BIN2: variants seen among roughly 807,000 people sequenced by gnomAD.
BIN2 encodes bridging integrator 2.
BIN2 carries 43 observed loss-of-function variants against 67.9 expected under a neutral mutation model. That is an observed-to-expected ratio of 0.63 (90% confidence interval 0.50 to 0.82). BIN2 has a LOEUF of 0.82. Among genes scored for constraint, BIN2 ranks in the 40% least tolerant of loss-of-function variants. BIN2 has a pLI of 0.00. For missense variants in BIN2, 581 were observed against 671.6 expected, an observed-to-expected ratio of 0.87 and a Z score of 1.49; for synonymous variants, 244 against 246.8, an observed-to-expected ratio of 0.99 and a Z score of 0.11.
chr12:51,288,089 T>C lies in BIN2; in HGVS notation c.1596+19A>G. 1 of 1,563,386 alleles carries C rather than the reference T, an allele frequency of 6.4e-7. No individual in the cohort carries two copies. Among genetic ancestry groups the C allele is most frequent in the Non-Finnish European group, 8.8e-7 (1 of 1,134,700 alleles). ...AAAAAATAGGGCATCATCATGTAGA[T>C]GACTTAGGCTTTTAGTACCTCCGAG... On this transcript the variant is annotated intron_variant, in intron 11 of 12. Transcript: ENST00000615107.
At chr12:51,296,438 A>G (rs1023817361) in intron 8 of BIN2, among the ~76,000 whole-genome samples, 1 of 151,772 alleles carries the variant, frequency 6.6e-6, no homozygotes, top group African/African-American at 2.4e-5. Context: ...CAGAGCTTGC[A>G]GTGAGCAGAG....
intron 11 of BIN2, among the ~76,000 whole-genome samples, chr12:51,287,147 T>G (rs1406694224): frequency 6.8e-6 from 1 of 147,002 alleles, no homozygotes; most frequent in Non-Finnish European, 1.5e-5. Flanking sequence ...TTTTATTAAA[T>G]TTTTTTTAAA....
chr12:51,322,456 A>C (rs1946309241), intron 1 of BIN2: 1 of 152,012 alleles, frequency 6.6e-6, no homozygotes, highest in Non-Finnish European at 1.5e-5. Context: ...GTGTGGTGTG[A>C]TCACTGCTCA....
At chr12:51,285,428 G>C (rs1485779218) in intron 11 of BIN2, among the ~76,000 whole-genome samples, 1 of 151,802 alleles carries the variant, frequency 6.6e-6, no homozygotes, top group Non-Finnish European at 1.5e-5. Context: ...CTGCACTCCA[G>C]CCTGGGCAAC....
chr12:51,318,010 G>T (rs2137443406), intron 1 of BIN2, among the ~76,000 whole-genome samples: 1 of 152,080 alleles, frequency 6.6e-6, no homozygotes, highest in East Asian at 1.9e-4. Context: ...AAAAGAAAAA[G>T]AAAAAAGAAA....
intron 1 of BIN2, among the ~76,000 whole-genome samples, chr12:51,321,137 AGAG>A (rs1946269057): frequency 1.4e-5 from 1 of 70,382 alleles, no homozygotes; most frequent in Non-Finnish European, 2.8e-5. Flanking sequence ...TCTGTTCCTG[AGAG>A]AGGATCAGCA....
At chr12:51,303,245 A>G (rs12580979) in intron 2 of BIN2, 104 bp from the exon 3 acceptor site, 3 of 1,098,978 alleles carry the variant, frequency 2.7e-6, no homozygotes, top group Non-Finnish European at 4.1e-6. Context: ...TCACACCTGG[A>G]ATTTCTCTAA....
chr12:51,283,616 C>T (rs557244160), intron 12 of BIN2, among the ~76,000 whole-genome samples: 1 of 152,124 alleles, frequency 6.6e-6, no homozygotes, highest in Non-Finnish European at 1.5e-5. Context: ...ACACACCCAG[C>T]TCTGTGTCTT....
At chr12:51,300,669 T>C (rs890562597) in intron 5 of BIN2, among the ~76,000 whole-genome samples, 169 of 152,250 alleles carry the variant, frequency 1.1e-3, no homozygotes, top group Non-Finnish European at 9.4e-4. Context: ...CTTTGAACCG[T>C]TTCATTCTCT....
At chr12:51,300,118 A>G (rs10783430) in intron 5 of BIN2, among the ~76,000 whole-genome samples, 81,258 of 151,364 alleles carry the variant, frequency 0.54, 21,904 homozygotes, top group Middle Eastern at 0.57. Flanking sequence ...GATTACAGGC[A>G]GGAGCAACCG....
chr12:51,322,873 G>C (rs1480173120), intron 1 of BIN2: 1 of 152,174 alleles, frequency 6.6e-6, no homozygotes, highest in East Asian at 1.9e-4. Flanking sequence ...GTCTCTTAAA[G>C]TCAGGAGCTA....
intron 1 of BIN2, among the ~76,000 whole-genome samples, chr12:51,320,932 TAA>T (rs202065795): frequency 0.043 from 2,377 of 55,304 alleles, 98 homozygotes; most frequent in African/African-American, 0.092. Flanking sequence ...TGTATCATAC[TAA>T]AAACACACAC....
chr12:51,288,449 AC>A (rs1338612929), intron 10 of BIN2, among the ~76,000 whole-genome samples: 1 of 151,856 alleles, frequency 6.6e-6, no homozygotes, highest in African/African-American at 2.4e-5. Flanking sequence ...TAAACTTGCA[AC>A]TCAGCTCCCA....
chr12:51,293,217 A>C (rs889009184), intron 9 of BIN2, among the ~76,000 whole-genome samples: 1 of 152,084 alleles, frequency 6.6e-6, no homozygotes, highest in Admixed American at 6.6e-5. Context: ...TCTATCAAGT[A>C]GCTGCTATGT....
At chr12:51,306,650 G>A (rs954678861) in intron 2 of BIN2, among the ~76,000 whole-genome samples, 7 of 152,170 alleles carry the variant, frequency 4.6e-5, no homozygotes, top group African/African-American at 1.7e-4. Flanking sequence ...TCAAGGAAGT[G>A]TCAGATGCTA....
rs752872701 is a variant in BIN2, at chr12:51,302,756, A to G, written c.242T>C (p.Val81Ala). 42 of 1,613,798 alleles carry G rather than the reference A, an allele frequency of 2.6e-5. No homozygotes were observed. The highest frequency in any genetic ancestry group is 1.7e-6 in the Non-Finnish European group (2 of 1,179,928). Reference protein sequence around the residue: ...VKVMHESSKRVSETLQEIYSS... With the variant: ...VKVMHESSKRASETLQEIYSS... ...GTAGATCTCCTGCAGGGTTTCTGAC[A>G]CTCTTTTTGAACTTTCATGCATCAC... The change falls in exon 4 of 13, where the codon GTG (valine) becomes GCG (alanine). Residue 81 changes from valine (V) to alanine (A), a missense_variant. Coordinates refer to ENST00000615107, the MANE Select transcript of BIN2 (RefSeq NM_016293.4).
chr12:51,317,448 A>T (rs1220887835), intron 1 of BIN2, among the ~76,000 whole-genome samples: 5 of 152,008 alleles, frequency 3.3e-5, no homozygotes, highest in Non-Finnish European at 7.4e-5. Flanking sequence ...CGGGTGGATC[A>T]TCTGAGGTCA....
At chr12:51,297,207 G>T (rs774035966) in intron 7 of BIN2, 43 bp from the exon 8 acceptor site, 1 of 1,557,576 alleles carries the variant, frequency 6.4e-7, no homozygotes, top group Admixed American at 1.7e-5. Flanking sequence ...GTAAGGCATG[G>T]GAAAGGAGTT....
chr12:51,296,099 A>G (rs1945559855), intron 8 of BIN2, among the ~76,000 whole-genome samples: 1 of 151,912 alleles, frequency 6.6e-6, no homozygotes, highest in Non-Finnish European at 1.5e-5. Flanking sequence ...CTTCCATCAG[A>G]CTGGCAGCTG....
Sources: gnomAD v4.1 joint callset for allele counts (sites outside exome capture counted in the v4.1 genomes callset) on GRCh38, gnomAD v4.1.1 for gene constraint, MANE v1.5 for transcripts, NCBI Gene and HGNC (gene_info 2026-07-23, HGNC 2026-07-21) for gene names.